YME1L1: variants seen among roughly 807,000 people sequenced by gnomAD.
The protein encoded by YME1L1 is YME1 like 1 ATPase, also known as ATP-dependent zinc metalloprotease YME1L1.
YME1L1 carries 39 observed loss-of-function variants against 90.4 expected under a neutral mutation model. That is an observed-to-expected ratio of 0.43 (90% CI 0.33 to 0.56). The LOEUF (loss-of-function observed/expected upper bound fraction) is 0.56, where lower values mean the gene tolerates loss of function less well. YME1L1 is among the 20% of genes least tolerant of loss of function. The pLI, the probability that YME1L1 is intolerant of heterozygous loss-of-function variation, is 0.03. For synonymous variants in YME1L1, 284 were observed against 287.3 expected, an observed-to-expected ratio of 0.99 and a Z score of 0.12; for missense variants, 617 against 868.4, an observed-to-expected ratio of 0.71 and a Z score of 3.64.
chr10:27,121,979 A>T (rs554093948), intron 11 of YME1L1, among the ~76,000 whole-genome samples: 1 of 151,650 alleles, frequency 6.6e-6, no homozygotes, highest in East Asian at 1.9e-4. Context: ...CAAGCAATAC[A>T]CCCGCCTCAG....
chr10:27,133,934 G>A (rs1402282112), intron 7 of YME1L1, 105 bp downstream of exon 7: 3 of 811,726 alleles, frequency 3.7e-6, no homozygotes, highest in Non-Finnish European at 5.8e-6. Context: ...TTCTAGTACT[G>A]TAAACATTAA....
At chr10:27,123,775 A>C in intron 9 of YME1L1, 76 bp from the exon 10 acceptor site, 3 of 1,414,076 alleles carry the variant, frequency 2.1e-6, no homozygotes, top group South Asian at 1.5e-5. Flanking sequence ...AAAATAAATA[A>C]TTATTCATTT....
chr10:27,145,063 C>T (rs1458146161), intron 3 of YME1L1, among the ~76,000 whole-genome samples: 1 of 152,132 alleles, frequency 6.6e-6, no homozygotes. Context: ...ATGGTGTGAA[C>T]CCGGGAGGCG....
chr10:27,128,398 T>C (rs1263696415), intron 8 of YME1L1, among the ~76,000 whole-genome samples: 3 of 152,294 alleles, frequency 2.0e-5, no homozygotes, highest in South Asian at 4.1e-4. Context: ...CTACTTTCAC[T>C]ATGCTTAGTT....
Position 27,123,629 on chromosome 10 carries a change from A to G in YME1L1, c.1020T>C (p.Asp340=). Residue 340 remains aspartate (D), a synonymous_variant, in exon 10 of 19, where the codon GAT becomes GAC. Coordinates refer to ENST00000376016, the MANE Select transcript of YME1L1 (RefSeq NM_014263.4). ...ATCCAGAAGCATAATAAAAAGGAAC[A>G]TCAGCTTCTCCCGCCACAGCTCGGG... The part of the protein sequence containing the change: ...LLARAVAGEA[D]VPFYYASGSE... The G allele has an allele frequency of 6.2e-7, 1 of 1,613,984 alleles. No individual in the cohort carries two copies. Among genetic ancestry groups the G allele is most frequent in the Non-Finnish European group, 8.5e-7 (1 of 1,179,932 alleles).
At chr10:27,115,687 A>G (rs1051285170) in intron 17 of YME1L1, among the ~76,000 whole-genome samples, 5 of 152,178 alleles carry the variant, frequency 3.3e-5, no homozygotes, top group South Asian at 2.1e-4. Context: ...ATAGAAATCC[A>G]TAATTCACAG....
At chr10:27,132,636 G>A (rs1588599857) in intron 7 of YME1L1, among the ~76,000 whole-genome samples, 2 of 151,520 alleles carry the variant, frequency 1.3e-5, no homozygotes, top group Admixed American at 6.6e-5. Context: ...CTTGGCTAAC[G>A]GTGAAACGCC....
At chr10:27,116,593 GA>G (rs2056815664) in intron 15 of YME1L1, among the ~76,000 whole-genome samples, 1 of 152,144 alleles carries the variant, frequency 6.6e-6, no homozygotes, top group Non-Finnish European at 1.5e-5. Flanking sequence ...TTGAAGCCAG[GA>G]GACAGAGGTT....
At position 27,154,383 on chromosome 10, in the gene YME1L1, A is replaced by G. The variant is rs1366157890; in HGVS notation, c.-173T>C. On this transcript the variant is annotated 5_prime_UTR_variant, in exon 1 of 19. Transcript: ENST00000376016. The stretch of plus-strand genomic sequence containing the variant: ...CTTCCTACAGCTACTGCAACGACAG[A>G]CAATCCGCCCCGGAAGGCGAGGCGC... 5.3e-6 allele frequency: 4 copies of G among 747,856 alleles called. No individual in the cohort carries two copies. The highest frequency in any genetic ancestry group is 3.0e-5 in the Admixed American group (1 of 33,708). 46.3% of individuals were successfully genotyped at this position (747,856 alleles called of 1,614,324 possible).
chr10:27,152,366 T>C (rs2057229867), intron 1 of YME1L1, among the ~76,000 whole-genome samples: 1 of 152,242 alleles, frequency 6.6e-6, no homozygotes, highest in Admixed American at 6.5e-5. Flanking sequence ...ATTCAACCAA[T>C]TAAGCAACAA....
intron 8 of YME1L1, among the ~76,000 whole-genome samples, chr10:27,128,627 G>A (rs1281525760): frequency 1.3e-5 from 2 of 151,932 alleles, no homozygotes; most frequent in Non-Finnish European, 2.9e-5. Context: ...TAAATCAGCT[G>A]GGCTTGGTGG....
intron 13 of YME1L1, 53 bp downstream of exon 13, chr10:27,120,382 G>A: frequency 1.6e-6 from 2 of 1,233,746 alleles, no homozygotes; most frequent in Non-Finnish European, 1.2e-6. Flanking sequence ...CAAACAGGGT[G>A]AGTGGTATAT....
At chr10:27,123,409 A>G in intron 10 of YME1L1, 138 bp downstream of exon 10, 1 of 947,816 alleles carries the variant, frequency 1.1e-6, no homozygotes, top group Non-Finnish European at 1.6e-6. Context: ...AATCAAAACT[A>G]ATTAGCATGC....
chr10:27,146,789 A>T (rs2057148916), intron 2 of YME1L1: 1 of 153,162 alleles, frequency 6.5e-6, no homozygotes, highest in Non-Finnish European at 1.5e-5. Context: ...GTCTGGGAAT[A>T]CGGTACTTTT....
intron 2 of YME1L1, chr10:27,147,609 T>C (rs757387616): frequency 5.8e-6 from 9 of 1,562,336 alleles, no homozygotes; most frequent in Non-Finnish European, 7.8e-6. Flanking sequence ...ACCCTTCGAA[T>C]ATTTTTCCTT....
chr10:27,133,376 A>G (rs1473274338), intron 7 of YME1L1, among the ~76,000 whole-genome samples: 2 of 152,190 alleles, frequency 1.3e-5, no homozygotes, highest in Non-Finnish European at 2.9e-5. Flanking sequence ...GAGTAAATTG[A>G]GCAATTTCTA....
chr10:27,136,453 TA>T, intron 4 of YME1L1, 68 bp from the exon 5 acceptor site: 1 of 1,319,498 alleles, frequency 7.6e-7, no homozygotes. Flanking sequence ...CCTAAGATTC[TA>T]AAGTCTGACA....
chr10:27,137,038 AC>A (rs1290644161), intron 4 of YME1L1, among the ~76,000 whole-genome samples: 7 of 150,456 alleles, frequency 4.7e-5, no homozygotes, highest in Admixed American at 2.7e-4. Context: ...AAAAAAAAAA[AC>A]CCAACCAAGT....
rs761747150 is a variant in YME1L1, at chr10:27,148,891, A to C, written c.168+15T>G. The C allele has an allele frequency of 6.2e-7, 1 of 1,612,886 alleles. No individual in the cohort carries two copies. The highest frequency in any genetic ancestry group is 1.1e-5 in the South Asian group (1 of 90,846). On this transcript the variant is annotated intron_variant, in intron 2 of 18. Coordinates refer to ENST00000376016, the MANE Select transcript of YME1L1 (RefSeq NM_014263.4). ...ATCAAAAAGGCTTTCTCACACAACCAGGATAAAGACTTACCTCACTGCTGG... is the reference window on the plus strand; with the variant it reads ...ATCAAAAAGGCTTTCTCACACAACCCGGATAAAGACTTACCTCACTGCTGG...
Sources: gnomAD v4.1 joint callset for allele counts (sites outside exome capture counted in the v4.1 genomes callset) on GRCh38, gnomAD v4.1.1 for gene constraint, MANE v1.5 for transcripts, NCBI Gene and HGNC (gene_info 2026-07-23, HGNC 2026-07-21) for gene names.